Variants in MCTP2 observed in about 807,000 individuals in gnomAD.
MCTP2 encodes multiple C2 and transmembrane domain-containing protein 2.
MCTP2 carries 132 observed loss-of-function variants against 111.6 expected under a neutral mutation model. That is an observed-to-expected ratio of 1.18 (90% CI 1.03 to 1.37). The LOEUF (loss-of-function observed/expected upper bound fraction) is 1.37, where lower values mean the gene tolerates loss of function less well. Ranked by LOEUF, MCTP2 falls within the 40% of genes most tolerant of loss-of-function variation. The probability of loss-of-function intolerance (pLI) is 0.00; values close to 1 mark genes in which losing one functional copy is unlikely to be tolerated. For synonymous variants in MCTP2, 395 were observed against 387.7 expected, an observed-to-expected ratio of 1.02 and a Z score of -0.22; for missense variants, 1,183 against 1,067.9, an observed-to-expected ratio of 1.11 and a Z score of -1.50.
intron 20 of MCTP2, among the ~76,000 whole-genome samples, chr15:94,461,649 A>G (rs1038059265): frequency 2.6e-5 from 4 of 152,186 alleles, no homozygotes; most frequent in Admixed American, 6.5e-5. Context: ...AGAATAGGCA[A>G]GTTATGCCTA....
Position 94,480,725 on chromosome 15 carries a change from C to G in MCTP2, c.*1691C>G, listed in dbSNP as rs545287654. 1 of 152,314 alleles carries G rather than the reference C, an allele frequency of 6.6e-6. No individual in the cohort carries two copies. Among genetic ancestry groups the G allele is most frequent in the South Asian group, 2.1e-4 (1 of 4,832 alleles). The allele number at this position is 152,314 out of a possible 1,614,324, so 9.4% of individuals were successfully genotyped here. On this transcript the variant is annotated 3_prime_UTR_variant, in exon 23 of 23. Coordinates refer to ENST00000357742, the MANE Select transcript of MCTP2 (RefSeq NM_001385001.1). ...TTTAAACAGACATGTGAGATCTGAT[C>G]AGTCATTTGAATGAAAACTTTCAGC... is the stretch of plus-strand genomic sequence containing the variant.
At chr15:94,312,941 A>C (rs1344709876) in intron 2 of MCTP2, among the ~76,000 whole-genome samples, 1 of 152,060 alleles carries the variant, frequency 6.6e-6, no homozygotes, top group Non-Finnish European at 1.5e-5. Context: ...GCCTGCCATC[A>C]AGCTGGATGT....
intron 20 of MCTP2, among the ~76,000 whole-genome samples, chr15:94,463,188 G>A (rs1017378161): frequency 1.6e-4 from 24 of 152,178 alleles, no homozygotes; most frequent in African/African-American, 5.3e-4. Flanking sequence ...AATTGGGAAA[G>A]AATTGATATC....
intron 1 of MCTP2, among the ~76,000 whole-genome samples, chr15:94,262,181 C>T (rs2073224100): frequency 6.6e-6 from 1 of 151,892 alleles, no homozygotes; most frequent in South Asian, 2.1e-4. Flanking sequence ...GTTTTAAGTA[C>T]CAATAAATGA....
At position 94,476,742 on chromosome 15, in the gene MCTP2, C is replaced by T. The variant is rs778153887; in HGVS notation, c.2517C>T (p.Asp839=). The part of the protein sequence containing the change: ...TKKLRNPYSI[D]NNELLDFLSR... ...AGCTTCGAAATCCCTATTCCATCGA[C>T]AATAATGAGCTACTAGACTTCCTCT... is the stretch of plus-strand genomic sequence containing the variant. Residue 839 remains aspartate (D), a synonymous_variant, in exon 22 of 23, where the codon GAC becomes GAT. Coordinates refer to ENST00000357742, the MANE Select transcript of MCTP2 (RefSeq NM_001385001.1). 1 of 1,609,760 alleles carries T rather than the reference C, an allele frequency of 6.2e-7. No individual in the cohort carries two copies. The highest frequency in any genetic ancestry group is 8.5e-7 in the Non-Finnish European group (1 of 1,176,272).
At chr15:94,441,153 A>T (rs2083760514) in intron 18 of MCTP2, among the ~76,000 whole-genome samples, 1 of 152,042 alleles carries the variant, frequency 6.6e-6, no homozygotes, top group Non-Finnish European at 1.5e-5. Context: ...GACTGTTTTT[A>T]TTTTTCCTTA....
chr15:94,336,678 T>C (rs575672140), intron 4 of MCTP2, among the ~76,000 whole-genome samples: 1,554 of 139,882 alleles, frequency 0.011, 25 homozygotes, highest in African/African-American at 0.046. Flanking sequence ...TTGCTTAGCA[T>C]ATATATATAT....
chr15:94,412,008 G>A (rs1217446834), intron 17 of MCTP2, among the ~76,000 whole-genome samples: 3 of 152,034 alleles, frequency 2.0e-5, no homozygotes, highest in Admixed American at 6.6e-5. Context: ...TATACTTGTG[G>A]GCCCCATTGG....
intron 2 of MCTP2, among the ~76,000 whole-genome samples, chr15:94,301,270 C>T (rs927018650): frequency 1.1e-4 from 16 of 152,076 alleles, no homozygotes; most frequent in Non-Finnish European, 1.5e-4. Flanking sequence ...GACGGGAGTG[C>T]GGCTGATCAG....
At chr15:94,416,915 G>GT (rs2082402998) in intron 17 of MCTP2, among the ~76,000 whole-genome samples, 1 of 152,144 alleles carries the variant, frequency 6.6e-6, no homozygotes. Context: ...CCCGAAGGCT[G>GT]TTTTTACTGT....
At chr15:94,284,710 A>G (rs892187090) in intron 1 of MCTP2, among the ~76,000 whole-genome samples, 12 of 152,314 alleles carry the variant, frequency 7.9e-5, no homozygotes, top group African/African-American at 2.2e-4. Context: ...CTTCACAGAG[A>G]TGTTCATAGG....
At chr15:94,298,946 CCTCTCTCCCTCTCTCCCT>C (rs1296363150) in intron 2 of MCTP2, among the ~76,000 whole-genome samples, 202 of 6,902 alleles carry the variant, frequency 0.029, 14 homozygotes, top group African/African-American at 0.12. Flanking sequence ...TCCCTCTCTC[CCTCTCTCCCTCTCTCCCT>C]CTCTCCCTCT....
intron 12 of MCTP2, among the ~76,000 whole-genome samples, chr15:94,370,469 T>C (rs1412663186): frequency 2.0e-5 from 3 of 152,220 alleles, no homozygotes; most frequent in East Asian, 1.9e-4. Context: ...ATTTGTTAAA[T>C]TAAGTTGTTG....
rs529739504 is a variant in MCTP2 at position 94,431,859 on chromosome 15, A to C, written c.2086-8317A>C. On this transcript the variant is annotated intron_variant, in intron 17 of 22. Transcript: ENST00000357742. The stretch of plus-strand genomic sequence containing the variant: ...GATTATTTAAAGATACACTGTTTCA[A>C]ATATCTAGATTTTATCTTTATTATG... Among the ~76,000 whole-genome samples, 286 of 152,278 alleles carry C rather than the reference A, an allele frequency of 1.9e-3. 1 individual carries two copies. Among genetic ancestry groups the C allele is most frequent in the African/African-American group, 6.5e-3 (270 of 41,560 alleles).
chr15:94,392,671 C>G (rs1011165685), intron 14 of MCTP2, among the ~76,000 whole-genome samples: 6 of 151,848 alleles, frequency 4.0e-5, no homozygotes, highest in African/African-American at 1.5e-4. Flanking sequence ...AAAAAATTAG[C>G]TGGGCATGGT....
intron 1 of MCTP2, among the ~76,000 whole-genome samples, chr15:94,280,391 T>A (rs973779026): frequency 2.7e-5 from 4 of 149,554 alleles, no homozygotes; most frequent in Admixed American, 6.7e-5. Context: ...TTTGTGTGCA[T>A]AAAGGCATCC....
chr15:94,410,255 G>A (rs1050988567), intron 17 of MCTP2, among the ~76,000 whole-genome samples: 6 of 152,094 alleles, frequency 3.9e-5, no homozygotes, highest in African/African-American at 1.4e-4. Context: ...TGTGGACCTG[G>A]ACTTGTTGAG....
At chr15:94,378,382 T>C (rs1162630140) in intron 12 of MCTP2, among the ~76,000 whole-genome samples, 2 of 149,172 alleles carry the variant, frequency 1.3e-5, no homozygotes, top group African/African-American at 4.9e-5. Context: ...ATTAACCAGG[T>C]ATGGTGGCAT....
chr15:94,358,701 C>G (rs955287308), intron 10 of MCTP2, 89 bp downstream of exon 10: 1 of 1,464,656 alleles, frequency 6.8e-7, no homozygotes, highest in Non-Finnish European at 9.3e-7. Flanking sequence ...GGGCTGAGGG[C>G]ACTACCTTGC....
Sources: gnomAD v4.1 joint callset for allele counts (sites outside exome capture counted in the v4.1 genomes callset) on GRCh38, gnomAD v4.1.1 for gene constraint, MANE v1.5 for transcripts, NCBI Gene and HGNC (gene_info 2026-07-23, HGNC 2026-07-21) for gene names.